The following ZNF468 variants were observed in gnomAD, a reference collection of about 807,000 sequenced individuals.
ZNF468 encodes the protein zinc finger protein 468, also known as zinc finger protein ZNF468.
A neutral mutation model predicts 7.2 loss-of-function variants in ZNF468; 8 were observed. That is an observed-to-expected ratio of 1.11 (90% CI 0.65 to 2.01). The LOEUF is 2.01. Among genes scored for constraint, ZNF468 ranks in the 30% most tolerant of loss-of-function variants. ZNF468 has a pLI of 0.00. For missense variants in ZNF468, 608 were observed against 626.5 expected, an observed-to-expected ratio of 0.97 and a Z score of 0.31; for synonymous variants, 218 against 214.4, an observed-to-expected ratio of 1.02 and a Z score of -0.15.
At chr19:52,856,304 T>G (rs1275144434) in intron 1 of ZNF468, among the ~76,000 whole-genome samples, 1 of 152,048 alleles carries the variant, frequency 6.6e-6, no homozygotes, top group African/African-American at 2.4e-5. Context: ...GTGGATTACC[T>G]GAGGTCAGGA....
rs1258282989 is a variant in ZNF468 at position 52,838,492 on chromosome 19, C to T, written c.*2233G>A. ...TTCAATCAATACTGGCTGTCCTAGC[C>T]AGAACAATGAAATAGCAAAAGAAAT... On this transcript the variant is annotated 3_prime_UTR_variant, in exon 4 of 4. Coordinates refer to ENST00000595646, the MANE Select transcript of ZNF468 (RefSeq NM_001008801.2). 6.6e-6 allele frequency: 1 copy of T among 152,054 alleles called. No individual in the cohort carries two copies. Among genetic ancestry groups the T allele is most frequent in the African/African-American group, 2.4e-5 (1 of 41,384 alleles). The allele number at this position is 152,054 out of a possible 1,614,324, so 9.4% of individuals were successfully genotyped here. A position where few individuals can be genotyped will look rare whatever the true frequency, so the allele number is the denominator to read the frequency against.
At chr19:52,856,919 C>T (rs1377185799) in intron 1 of ZNF468, among the ~76,000 whole-genome samples, 2 of 152,140 alleles carry the variant, frequency 1.3e-5, no homozygotes, top group East Asian at 1.9e-4. Context: ...CCCTTTGGCC[C>T]ACACGATCAC....
intron 2 of ZNF468, among the ~76,000 whole-genome samples, chr19:52,851,524 C>G (rs1467957842): frequency 1.3e-5 from 2 of 151,998 alleles, no homozygotes; most frequent in Non-Finnish European, 2.9e-5. Context: ...TTGCAGTGAG[C>G]CGAGAACACC....
At chr19:52,853,582 T>C (rs555437321) in intron 2 of ZNF468, among the ~76,000 whole-genome samples, 50 of 152,016 alleles carry the variant, frequency 3.3e-4, no homozygotes, top group African/African-American at 1.1e-3. Context: ...CCCCAGCTAC[T>C]AGGTGGGCTG....
At position 52,856,445 on chromosome 19, in the gene ZNF468, A is replaced by G. The variant is rs140660494; in HGVS notation, c.-74+1127T>C. On this transcript the variant is annotated intron_variant, in intron 1 of 3. Coordinates refer to ENST00000595646, the MANE Select transcript of ZNF468 (RefSeq NM_001008801.2). Reference sequence around the variant, plus strand: ...CTCCCCAATCTTTAGATCGTCCTCAATCTCCATAGATTTCTGCCTCTTCTC... The same window carrying G: ...CTCCCCAATCTTTAGATCGTCCTCAGTCTCCATAGATTTCTGCCTCTTCTC... Among the ~76,000 whole-genome samples the G allele has an allele frequency of 6.0e-3, 879 of 145,592 alleles. 7 individuals carry two copies. Among genetic ancestry groups the G allele is most frequent in the African/African-American group, 0.021 (850 of 40,346 alleles).
At chr19:52,844,984 T>C (rs2063331287) in intron 3 of ZNF468, among the ~76,000 whole-genome samples, 1 of 152,144 alleles carries the variant, frequency 6.6e-6, no homozygotes, top group Non-Finnish European at 1.5e-5. Flanking sequence ...CTTGAAGCCA[T>C]CTACTAGCAC....
intron 3 of ZNF468, among the ~76,000 whole-genome samples, chr19:52,847,548 G>A (rs1383387532): frequency 6.6e-6 from 1 of 151,760 alleles, no homozygotes; most frequent in Non-Finnish European, 1.5e-5. Flanking sequence ...TCTGTCTCCT[G>A]TTCATCCCTG....
rs145195206 is a variant in ZNF468 at position 52,840,079 on chromosome 19, T to C, written c.*646A>G. 192 of 951,098 alleles carry C rather than the reference T, an allele frequency of 2.0e-4. 2 individuals are homozygous for C. In the African/African-American group the frequency reaches 3.2e-3, roughly 16 times the overall value. The allele number at this position is 951,098 out of a possible 1,614,324, so 58.9% of individuals were successfully genotyped here. A position where few individuals can be genotyped will look rare whatever the true frequency, so the allele number is the denominator to read the frequency against. On this transcript the variant is annotated 3_prime_UTR_variant, in exon 4 of 4. Transcript: ENST00000595646. ...GTGAATTCTAGTATGGGGTGCCACG[T>C]GTGAATCATTCCCGAAAGCCTTGTC... is the stretch of plus-strand genomic sequence containing the variant.
chr19:52,849,295 A>C (rs1568680728), intron 2 of ZNF468, 82 bp from the exon 3 acceptor site: 1 of 1,603,836 alleles, frequency 6.2e-7, no homozygotes, highest in Non-Finnish European at 8.5e-7. Flanking sequence ...AGAGAGGGGA[A>C]AGCATGGATT....
rs761221140 is a variant in ZNF468 at position 52,841,598 on chromosome 19, T to G, written c.696A>C (p.Lys232Asn). The G allele has an allele frequency of 3.7e-6, 6 of 1,613,950 alleles. No homozygotes were observed. Among genetic ancestry groups the G allele is most frequent in the African/African-American group, 1.3e-5 (1 of 74,932 alleles). ...KSFNCSSLLK[K>N]HQIIHLEEKQ... ...TCTCTTCTAAGTGAATTATCTGATG[T>G]TTTTTTAAGAGTGAGCTGCAATTAA... The change falls in exon 4 of 4, where the codon AAA (lysine) becomes AAC (asparagine). Residue 232 changes from lysine (K) to asparagine (N), a missense_variant. Transcript: ENST00000595646.
At chr19:52,856,184 G>A (rs2063436711) in intron 1 of ZNF468, among the ~76,000 whole-genome samples, 1 of 150,578 alleles carries the variant, frequency 6.6e-6, no homozygotes, top group African/African-American at 2.4e-5. Context: ...GGGAAACAGG[G>A]TCAGCTGTAG....
At chr19:52,849,584 TA>T in intron 2 of ZNF468, 1 of 252,112 alleles carries the variant, frequency 4.0e-6, no homozygotes, top group South Asian at 4.5e-5. Context: ...ACGTCCACAG[TA>T]AAAGATAGGC....
chr19:52,850,539 G>T (rs1168242887), intron 2 of ZNF468, among the ~76,000 whole-genome samples: 1 of 152,154 alleles, frequency 6.6e-6, no homozygotes, highest in South Asian at 2.1e-4. Context: ...GGGACACAAA[G>T]AAGAAAACAA....
intron 2 of ZNF468, among the ~76,000 whole-genome samples, chr19:52,850,202 T>C (rs920607095): frequency 1.3e-5 from 2 of 152,156 alleles, no homozygotes; most frequent in Non-Finnish European, 2.9e-5. Context: ...AGGAATCTCA[T>C]CTTGCTGGAA....
intron 2 of ZNF468, among the ~76,000 whole-genome samples, chr19:52,849,789 A>G (rs562492037): frequency 6.6e-6 from 1 of 151,664 alleles, no homozygotes; most frequent in South Asian, 2.1e-4. Context: ...CTGTGGTCCC[A>G]GCTACTTGGA....
At chr19:52,848,664 A>C (rs1272567066) in intron 3 of ZNF468, among the ~76,000 whole-genome samples, 2 of 151,962 alleles carry the variant, frequency 1.3e-5, no homozygotes, top group Non-Finnish European at 2.9e-5. Flanking sequence ...GATTCTCTTT[A>C]CTCAGCCTCT....
chr19:52,846,192 GAGA>G (rs759001657), intron 3 of ZNF468, among the ~76,000 whole-genome samples: 5 of 152,142 alleles, frequency 3.3e-5, no homozygotes, highest in East Asian at 3.9e-4. Flanking sequence ...AATTCTAGTG[GAGA>G]AGAAGTAGTT....
At chr19:52,850,237 A>AG (rs2063375651) in intron 2 of ZNF468, among the ~76,000 whole-genome samples, 1 of 152,138 alleles carries the variant, frequency 6.6e-6, no homozygotes, top group Admixed American at 6.5e-5. Context: ...AGTTGTGGGC[A>AG]GGGGGAATCT....
chr19:52,845,723 G>C (rs2063337159), intron 3 of ZNF468, among the ~76,000 whole-genome samples: 1 of 152,058 alleles, frequency 6.6e-6, no homozygotes, highest in Admixed American at 6.6e-5. Context: ...TAAAAAAACA[G>C]TCTAGGTGTG....
Sources: gnomAD v4.1 joint callset for allele counts (sites outside exome capture counted in the v4.1 genomes callset) on GRCh38, gnomAD v4.1.1 for gene constraint, MANE v1.5 for transcripts, NCBI Gene and HGNC (gene_info 2026-07-23, HGNC 2026-07-21) for gene names.